Variants in MAP3K21 observed in about 807,000 individuals in gnomAD.
The protein encoded by MAP3K21 is mitogen-activated protein kinase kinase kinase 21.
Under a neutral mutation model 86.1 loss-of-function variants are expected in MAP3K21, and 63 were observed. The ratio of observed to expected loss-of-function variants is 0.73; its 90% CI spans 0.60 to 0.90. The LOEUF (loss-of-function observed/expected upper bound fraction) is 0.90. Ranked by LOEUF, MAP3K21 falls within the 40% of genes least tolerant of loss-of-function variation. The pLI is 0.00. For missense variants in MAP3K21, 1,220 were observed against 1,367.7 expected, an observed-to-expected ratio of 0.89 and a Z score of 1.70; for synonymous variants, 558 against 564.8, an observed-to-expected ratio of 0.99 and a Z score of 0.17.
intron 9 of MAP3K21, among the ~76,000 whole-genome samples, chr1:233,379,951 G>A (rs1019908173): frequency 3.9e-5 from 6 of 152,186 alleles, no homozygotes; most frequent in Non-Finnish European, 5.9e-5. Context: ...AAAGCAGAAA[G>A]AACACATGGA....
At position 233,363,483 on chromosome 1, in the gene MAP3K21, A is replaced by C. The variant is rs113784428; in HGVS notation, c.1552+1190A>C. Among the ~76,000 whole-genome samples, 885 of 152,184 alleles carry C rather than the reference A, an allele frequency of 5.8e-3. 11 individuals carry two copies. Among genetic ancestry groups the C allele is most frequent in the African/African-American group, 0.021 (856 of 41,510 alleles). ...TTAGCTGAGGTGGGTGGATCACCTG[A>C]GGTCAGGAGTTCAAGACTACCCTGG... On this transcript the variant is annotated intron_variant, in intron 5 of 9. Coordinates refer to ENST00000366624, the MANE Select transcript of MAP3K21 (RefSeq NM_032435.3).
intron 9 of MAP3K21, among the ~76,000 whole-genome samples, chr1:233,381,544 T>C (rs999988797): frequency 6.6e-6 from 1 of 152,204 alleles, no homozygotes; most frequent in East Asian, 1.9e-4. Flanking sequence ...TTTTATCTTT[T>C]CCTTTACTTC....
rs1663947555 is a variant in MAP3K21, at chr1:233,382,953, C to T, written c.*242C>T. ...ACAAAAGTGTAAAACAAGAGATGTG[C>T]ACCAATGAAAACTATGCTGGGTCGA... On this transcript the variant is annotated 3_prime_UTR_variant, in exon 10 of 10. Transcript: ENST00000366624. 2 of 404,494 alleles carry T rather than the reference C, an allele frequency of 4.9e-6. No individual in the cohort carries two copies. The highest frequency in any genetic ancestry group is 3.9e-5 in the Admixed American group (1 of 25,580). The allele number at this position is 404,494 out of a possible 1,614,324, so 25.1% of individuals were successfully genotyped here.
chr1:233,354,449 A>T (rs2102754075), intron 3 of MAP3K21, among the ~76,000 whole-genome samples: 1 of 152,276 alleles, frequency 6.6e-6, no homozygotes, highest in South Asian at 2.1e-4. Flanking sequence ...TCTCATGTGG[A>T]TATAACATTT....
At chr1:233,361,359 T>A (rs1455451730) in intron 4 of MAP3K21, among the ~76,000 whole-genome samples, 1 of 152,258 alleles carries the variant, frequency 6.6e-6, no homozygotes, top group Non-Finnish European at 1.5e-5. Context: ...AATGAAGTGA[T>A]AATTTCCATG....
intron 1 of MAP3K21, among the ~76,000 whole-genome samples, chr1:233,343,565 TAG>T (rs1663077539): frequency 6.6e-6 from 1 of 152,066 alleles, no homozygotes; most frequent in Non-Finnish European, 1.5e-5. Flanking sequence ...GGCACCTGAG[TAG>T]AGAGAGATTT....
chr1:233,371,747 CTTTGTG>C (rs1298836765), intron 5 of MAP3K21, among the ~76,000 whole-genome samples: 1 of 91,396 alleles, frequency 1.1e-5, no homozygotes, highest in Non-Finnish European at 2.1e-5. Flanking sequence ...TCATATTTTC[CTTTGTG>C]TGTGTGTGTG....
At chr1:233,373,233 G>C (rs530129467) in intron 6 of MAP3K21, 1 of 152,130 alleles carries the variant, frequency 6.6e-6, no homozygotes, top group African/African-American at 2.4e-5. Context: ...CCTAATTAAC[G>C]GAGAGAGAAA....
At chr1:233,367,426 G>A (rs1055484169) in intron 5 of MAP3K21, among the ~76,000 whole-genome samples, 9 of 152,190 alleles carry the variant, frequency 5.9e-5, no homozygotes, top group African/African-American at 2.2e-4. Flanking sequence ...CAGGCATCTT[G>A]AGAACCATTA....
At chr1:233,360,901 C>T (rs984878256) in intron 4 of MAP3K21, among the ~76,000 whole-genome samples, 2 of 152,188 alleles carry the variant, frequency 1.3e-5, no homozygotes, top group African/African-American at 4.8e-5. Context: ...TCATAGCTCT[C>T]AAAGCTCAGA....
intron 8 of MAP3K21, among the ~76,000 whole-genome samples, chr1:233,377,437 C>T (rs1294167857): frequency 4.6e-5 from 7 of 152,172 alleles, no homozygotes; most frequent in Non-Finnish European, 4.4e-5. Flanking sequence ...GCACTCACTA[C>T]CTGGGTTCAG....
intron 1 of MAP3K21, among the ~76,000 whole-genome samples, chr1:233,336,559 A>AAATT (rs1357703317): frequency 4.7e-5 from 3 of 63,568 alleles, no homozygotes; most frequent in South Asian, 1.0e-3. Context: ...ATAAATAAAT[A>AAATT]AAATAAAATA....
rs1662756393 is a variant in MAP3K21, at chr1:233,328,710, C to T, written c.682C>T (p.Arg228Cys). Residue 228 changes from arginine (R) to cysteine (C), a missense_variant, in exon 1 of 10, where the codon CGC (arginine) becomes TGC (cysteine). Transcript: ENST00000366624. The surrounding 1 kb of genome is among the most constrained non-coding windows in gnomAD (Gnocchi z 8.7). ...APDPRAPGPR[R>C]ARRIPPHVLV... ...GGACCCGCGCGCGCCCGGCCCCCGC[C>T]GCGCGCGCCGCATCCCTCCGCACGT... 1.4e-6 allele frequency: 2 copies of T among 1,387,090 alleles called. No homozygotes were observed. Among genetic ancestry groups the T allele is most frequent in the South Asian group, 1.7e-5 (1 of 58,702 alleles). 85.9% of individuals were successfully genotyped at this position (1,387,090 alleles called of 1,614,324 possible).
intron 5 of MAP3K21, among the ~76,000 whole-genome samples, chr1:233,363,799 G>C (rs1663514336): frequency 6.6e-6 from 1 of 150,742 alleles, no homozygotes; most frequent in Non-Finnish European, 1.5e-5. Flanking sequence ...CTGAGATCTG[G>C]AGTTTGAGAC....
At position 233,382,649 on chromosome 1, in the gene MAP3K21, A is replaced by G. The variant is rs948019846; in HGVS notation, c.3049A>G (p.Arg1017Gly). The G allele has an allele frequency of 3.1e-6, 5 of 1,614,182 alleles. No homozygotes were observed. The highest frequency in any genetic ancestry group is 2.2e-5 in the East Asian group (1 of 44,886). Residue 1017 changes from arginine to glycine, a missense_variant, in exon 10 of 10, where the codon AGA (arginine) becomes GGA (glycine). Arg to Gly is a moderately radical substitution (Grantham distance 125). This residue lies in a region of MAP3K21 where 632 missense variants were observed against 691.3 expected (regional missense o/e 0.91). Coordinates refer to ENST00000366624, the MANE Select transcript of MAP3K21 (RefSeq NM_032435.3). ...CAGGGACTACACTGTGCCACTGTGC[A>G]GAATGAGGAGCAAAACCAGCCGGCC... ...QSRDYTVPLC[R>G]MRSKTSRPSI...
At chr1:233,378,761 C>T (rs1269620054) in intron 8 of MAP3K21, among the ~76,000 whole-genome samples, 170 bp from the exon 9 acceptor site, 1 of 152,176 alleles carries the variant, frequency 6.6e-6, no homozygotes, top group Admixed American at 6.5e-5. Flanking sequence ...GCCCTAGACT[C>T]TTGCTCCATG....
At chr1:233,377,436 A>G (rs1048201855) in intron 8 of MAP3K21, among the ~76,000 whole-genome samples, 1 of 152,138 alleles carries the variant, frequency 6.6e-6, no homozygotes, top group African/African-American at 2.4e-5. Context: ...TGCACTCACT[A>G]CCTGGGTTCA....
chr1:233,340,481 C>T, intron 1 of MAP3K21, among the ~76,000 whole-genome samples: 1 of 151,992 alleles, frequency 6.6e-6, no homozygotes, highest in East Asian at 1.9e-4. Flanking sequence ...CAAAAGAGAG[C>T]TGGAAGGATC....
intron 6 of MAP3K21, among the ~76,000 whole-genome samples, chr1:233,375,031 A>G (rs1810359): frequency 0.21 from 32,278 of 151,318 alleles, 3,726 homozygotes; most frequent in East Asian, 0.3. Context: ...AACTTCTGCC[A>G]CCTGGGTTCA....
Sources: allele counts gnomAD v4.1 joint callset (sites outside exome capture counted in the v4.1 genomes callset), GRCh38; gene constraint gnomAD v4.1.1; regional missense constraint gnomAD v4.1.1; non-coding constraint Gnocchi (gnomAD v3.1); transcripts MANE v1.5; gene names NCBI Gene and HGNC (gene_info 2026-07-23, HGNC 2026-07-21).